Variants in UPF3A observed in about 807,000 individuals in gnomAD.
UPF3A encodes regulator of nonsense transcripts 3A.
Under a neutral mutation model 53.5 loss-of-function variants are expected in UPF3A, and 42 were observed. The ratio of observed to expected loss-of-function variants is 0.78; its 90% CI spans 0.61 to 1.01. UPF3A has a LOEUF of 1.01. Ranked by LOEUF, UPF3A falls within the 50% of genes least tolerant of loss-of-function variation. The pLI, the probability that UPF3A is intolerant of heterozygous loss-of-function variation, is 0.00. For missense variants in UPF3A, 575 were observed against 598.0 expected (o/e 0.96, Z 0.40); for synonymous variants, 237 against 225.3 (o/e 1.05, Z -0.47).
At chr13:114,284,086 G>T (rs921969887) in intron 3 of UPF3A, 2 of 985,070 alleles carry the variant, frequency 2.0e-6, no homozygotes, top group Non-Finnish European at 2.4e-6. Flanking sequence ...TTGGTGGGCC[G>T]GGCACAGTGG....
chr13:114,283,448 T>C (rs2084336716), intron 3 of UPF3A: 1 of 152,364 alleles, frequency 6.6e-6, no homozygotes, highest in African/African-American at 2.4e-5. Flanking sequence ...CCAAAAAAAT[T>C]CCAGAAATTC....
intron 7 of UPF3A, among the ~76,000 whole-genome samples, chr13:114,296,443 G>T (rs2086034820): frequency 6.6e-6 from 1 of 152,090 alleles, no homozygotes; most frequent in African/African-American, 2.4e-5. Flanking sequence ...GTGCTGGGAG[G>T]GTTACTGCAT....
In UPF3A at chr13:114,281,967, T is replaced by G. The variant is rs1001046892; in HGVS notation, c.208-54T>G. 9 of 1,498,504 alleles carry G rather than the reference T, an allele frequency of 6.0e-6. No individual in the cohort carries two copies. The African/African-American group carries it at 1.1e-4, about 19-fold the overall frequency. 92.8% of individuals were successfully genotyped at this position (1,498,504 alleles called of 1,614,324 possible). A position where few individuals can be genotyped will look rare whatever the true frequency, so the allele number is the denominator to read the frequency against. On this transcript the variant is annotated intron_variant, in intron 1 of 9. Coordinates refer to ENST00000375299, the MANE Select transcript of UPF3A (RefSeq NM_023011.4). ...TCCCAGCGCGGTACGCGGTGCCTTT[T>G]GAGCTCCTTGTCCACGCTCCGCCCC...
At chr13:114,285,005 A>C (rs1343100308) in intron 3 of UPF3A, 1 of 152,234 alleles carries the variant, frequency 6.6e-6, no homozygotes, top group African/African-American at 2.4e-5. Flanking sequence ...TATGCAACCC[A>C]TTGCCAAATC....
chr13:114,292,658 C>T lies in UPF3A; in HGVS notation c.846+866C>T, dbSNP rs147303142. ...TTACGTGTTCATTTTCGGCTCAAGG[C>T]GTACACGTGCAGGTGTGTCACATGG... On this transcript the variant is annotated intron_variant, in intron 7 of 9. Coordinates refer to ENST00000375299, the MANE Select transcript of UPF3A (RefSeq NM_023011.4). Among the ~76,000 whole-genome samples, 1,215 of 151,972 alleles carry T rather than the reference C, an allele frequency of 8.0e-3. 18 individuals carry two copies. The highest frequency in any genetic ancestry group is 0.028 in the African/African-American group (1,155 of 41,310).
At chr13:114,295,268 C>T (rs1042090330) in intron 7 of UPF3A, among the ~76,000 whole-genome samples, 2 of 152,118 alleles carry the variant, frequency 1.3e-5, no homozygotes, top group Non-Finnish European at 2.9e-5. Flanking sequence ...ATGCGCTCCG[C>T]TTGGCCTCCG....
intron 9 of UPF3A, among the ~76,000 whole-genome samples, 186 bp downstream of exon 9, chr13:114,302,211 CA>C (rs1399484867): frequency 6.6e-6 from 1 of 152,048 alleles, no homozygotes; most frequent in Non-Finnish European, 1.5e-5. Context: ...CTCAGATAAT[CA>C]AATTATTTTT....
chr13:114,283,261 C>A (rs191966334), intron 3 of UPF3A: 7 of 192,900 alleles, frequency 3.6e-5, no homozygotes, highest in Non-Finnish European at 5.4e-5. Flanking sequence ...TTCAAGTGAT[C>A]CTCCCACCTC....
chr13:114,287,437 A>C (rs1394111875), intron 5 of UPF3A: 1 of 151,690 alleles, frequency 6.6e-6, no homozygotes, highest in Non-Finnish European at 1.5e-5. Context: ...TAAAGATACA[A>C]AAAATTAGCA....
intron 2 of UPF3A, chr13:114,282,416 G>A (rs2084183268): frequency 8.3e-7 from 1 of 1,210,178 alleles, no homozygotes; most frequent in South Asian, 2.2e-5. Flanking sequence ...GGCGCCTCCC[G>A]GGCTTCCCTG....
intron 5 of UPF3A, among the ~76,000 whole-genome samples, chr13:114,288,338 G>C (rs1225799724): frequency 6.6e-6 from 1 of 152,092 alleles, no homozygotes; most frequent in African/African-American, 2.4e-5. Context: ...GAAAGAGGTT[G>C]GGAGACTCCC....
At chr13:114,303,389 G>A (rs542101618) in intron 9 of UPF3A, among the ~76,000 whole-genome samples, 4 of 152,298 alleles carry the variant, frequency 2.6e-5, no homozygotes, top group East Asian at 1.9e-4. Context: ...GGAATGAGGC[G>A]CTGTGTGCAG....
At chr13:114,303,025 GGGA>G (rs2086735158) in intron 9 of UPF3A, among the ~76,000 whole-genome samples, 1 of 152,116 alleles carries the variant, frequency 6.6e-6, no homozygotes, top group East Asian at 1.9e-4. Flanking sequence ...GCTTGAACCT[GGGA>G]GGCGGAGGTT....
Position 114,282,762 on chromosome 13 carries a change from A to G in UPF3A, c.315-75A>G, listed in dbSNP as rs566120653. 17 of 1,550,602 alleles carry G rather than the reference A, an allele frequency of 1.1e-5. No individual in the cohort carries two copies. In the South Asian group the frequency reaches 2.0e-4, roughly 19 times the overall value. Reference sequence around the variant, plus strand: ...ATCTAAAGTAGTTTGTTGTGCCCAGAAAAGGAAAAAGAGGCTAAATTAATG... The same window carrying G: ...ATCTAAAGTAGTTTGTTGTGCCCAGGAAAGGAAAAAGAGGCTAAATTAATG... On this transcript the variant is annotated intron_variant, in intron 2 of 9. Coordinates refer to ENST00000375299, the MANE Select transcript of UPF3A (RefSeq NM_023011.4).
chr13:114,304,479 G>A (rs1304864397), intron 9 of UPF3A, among the ~76,000 whole-genome samples: 1 of 152,204 alleles, frequency 6.6e-6, no homozygotes, highest in Non-Finnish European at 1.5e-5. Flanking sequence ...AACCATCTGT[G>A]AGGGTCCACA....
chr13:114,302,115 T>C, intron 9 of UPF3A, 90 bp downstream of exon 9: 1 of 1,314,228 alleles, frequency 7.6e-7, no homozygotes, highest in Admixed American at 3.3e-5. Context: ...TGGCCTTGTG[T>C]CTTGGGGAAC....
At chr13:114,301,332 G>A (rs1268952604) in intron 8 of UPF3A, among the ~76,000 whole-genome samples, 3 of 151,698 alleles carry the variant, frequency 2.0e-5, no homozygotes, top group South Asian at 2.1e-4. Flanking sequence ...GCGTGGTCGC[G>A]GGCACCTGTA....
At chr13:114,301,661 G>A in intron 8 of UPF3A, 70 bp from the exon 9 acceptor site, 1 of 1,515,496 alleles carries the variant, frequency 6.6e-7, no homozygotes, top group Non-Finnish European at 9.0e-7. Flanking sequence ...GGAACCTGTG[G>A]TCTAGAAAGG....
intron 2 of UPF3A, 124 bp from the exon 3 acceptor site, chr13:114,282,708 TAACTG>T: frequency 6.7e-7 from 1 of 1,490,560 alleles, no homozygotes; most frequent in South Asian, 1.3e-5. Flanking sequence ...TTGTTACAAT[TAACTG>T]AGATGATTTG....
Sources: allele counts gnomAD v4.1 joint callset (sites outside exome capture counted in the v4.1 genomes callset), GRCh38; gene constraint gnomAD v4.1.1; transcripts MANE v1.5; gene names NCBI Gene and HGNC (gene_info 2026-07-23, HGNC 2026-07-21).